Variants in MAGI1 observed in about 807,000 individuals in gnomAD.
The protein encoded by MAGI1 is membrane-associated guanylate kinase, WW and PDZ domain-containing protein 1.
Under a neutral mutation model 139.9 loss-of-function variants are expected in MAGI1, and 58 were observed. That is an observed-to-expected ratio of 0.41 (90% CI 0.34 to 0.52). The LOEUF is 0.52. Ranked by LOEUF, MAGI1 falls within the 20% of genes least tolerant of loss-of-function variation. The probability of loss-of-function intolerance (pLI) is 0.12; values close to 1 mark genes in which losing one functional copy is unlikely to be tolerated. For missense variants in MAGI1, 1,874 were observed against 1,901.6 expected (o/e 0.99, Z 0.27); for synonymous variants, 812 against 737.9 (o/e 1.10, Z -1.63).
chr3:65,802,918 G>C lies in MAGI1; in HGVS notation c.314-180830C>G, dbSNP rs1408551486. ...TTTTGTTGGCATCTAACTCATCTAT[G>C]GTGAAAAACACAAATTTCATCTCTA... is the stretch of plus-strand genomic sequence containing the variant. On this transcript the variant is annotated intron_variant, in intron 1 of 22. Transcript: ENST00000402939. Among the ~76,000 whole-genome samples, 4 of 146,482 alleles carry C rather than the reference G, an allele frequency of 2.7e-5. No homozygotes were observed. The South Asian group carries it at 6.7e-4, about 25-fold the overall frequency.
At chr3:65,989,562 G>A (rs1272434592) in intron 1 of MAGI1, among the ~76,000 whole-genome samples, 1 of 152,174 alleles carries the variant, frequency 6.6e-6, no homozygotes, top group Non-Finnish European at 1.5e-5. Flanking sequence ...TTTTGAGATG[G>A]AGTCTAGCTT....
At position 65,656,180 on chromosome 3, in the gene MAGI1, C is replaced by T. The variant is rs1212641641; in HGVS notation, c.314-34092G>A. 7.9e-5 allele frequency among the ~76,000 whole-genome samples: 12 copies of T among 152,090 alleles called. No homozygotes were observed. The East Asian group carries it at 2.3e-3, about 29-fold the overall frequency. On this transcript the variant is annotated intron_variant, in intron 1 of 22. Transcript: ENST00000402939. ...TAAATTTGAAAAAAAAAAATTCCCT[C>T]GATATCACCAAGGAAATTCTGGACC...
intron 2 of MAGI1, among the ~76,000 whole-genome samples, chr3:65,585,506 TA>T (rs1488347535): frequency 6.6e-6 from 1 of 152,226 alleles, no homozygotes; most frequent in Non-Finnish European, 1.5e-5. Flanking sequence ...AAAATGTTTT[TA>T]ATTTTAATAC....
intron 2 of MAGI1, among the ~76,000 whole-genome samples, chr3:65,535,294 T>C (rs1318676732): frequency 2.0e-5 from 3 of 152,222 alleles, no homozygotes; most frequent in Non-Finnish European, 4.4e-5. Flanking sequence ...CAAGAGATTA[T>C]TGTTAACTTT....
At chr3:65,943,676 T>C (rs531513681) in intron 1 of MAGI1, among the ~76,000 whole-genome samples, 21 of 152,224 alleles carry the variant, frequency 1.4e-4, no homozygotes, top group South Asian at 1.2e-3. Context: ...TGTGTGTATA[T>C]AGATTCTGGT....
intron 2 of MAGI1, among the ~76,000 whole-genome samples, chr3:65,588,884 T>C (rs550539054): frequency 6.6e-6 from 1 of 152,304 alleles, no homozygotes; most frequent in South Asian, 2.1e-4. Flanking sequence ...GGTTCCGTAA[T>C]TAAGAAATAA....
chr3:65,415,048 ACAT>A (rs1946102007), intron 12 of MAGI1, among the ~76,000 whole-genome samples: 1 of 151,278 alleles, frequency 6.6e-6, no homozygotes, highest in African/African-American at 2.4e-5. Flanking sequence ...AAGAAGAAGA[ACAT>A]CATTACCTAT....
In MAGI1 at chr3:65,422,107, C is replaced by T. The variant is rs1017961733; in HGVS notation, c.2167+7413G>A. Among the ~76,000 whole-genome samples the T allele has an allele frequency of 2.0e-5, 3 of 152,214 alleles. No individual in the cohort carries two copies. In the East Asian group the frequency reaches 5.8e-4, roughly 29 times the overall value. On this transcript the variant is annotated intron_variant, in intron 12 of 22. Coordinates refer to ENST00000402939, the MANE Select transcript of MAGI1 (RefSeq NM_001033057.2). ...TCTAGAACTGTGCTGCGTAACAGTA[C>T]TTCCTGCAATGGTGGAAATGTTCTC... is the stretch of plus-strand genomic sequence containing the variant.
intron 2 of MAGI1, among the ~76,000 whole-genome samples, chr3:65,511,180 G>A (rs1433188279): frequency 3.3e-5 from 5 of 150,588 alleles, no homozygotes; most frequent in South Asian, 2.1e-4. Flanking sequence ...GGAACAACCG[G>A]TACCAGCTGC....
intron 1 of MAGI1, among the ~76,000 whole-genome samples, chr3:65,940,855 C>G (rs116165379): frequency 2.0e-5 from 3 of 152,130 alleles, no homozygotes; most frequent in Non-Finnish European, 4.4e-5. Flanking sequence ...TCTCTCAACT[C>G]CTCACAAACC....
intron 4 of MAGI1, among the ~76,000 whole-genome samples, chr3:65,474,247 A>G (rs905541762): frequency 4.6e-5 from 7 of 151,596 alleles, no homozygotes; most frequent in African/African-American, 1.7e-4. Context: ...CCTGGGTCAC[A>G]GAACGAGACC....
At chr3:65,944,947 G>A (rs1186187325) in intron 1 of MAGI1, among the ~76,000 whole-genome samples, 1 of 152,138 alleles carries the variant, frequency 6.6e-6, no homozygotes, top group African/African-American at 2.4e-5. Context: ...ATTATATTGA[G>A]GATATCCATT....
At chr3:65,498,039 G>A (rs192817486) in intron 2 of MAGI1, among the ~76,000 whole-genome samples, 53 of 152,200 alleles carry the variant, frequency 3.5e-4, no homozygotes, top group Non-Finnish European at 1.6e-4. Context: ...TCTATTCACC[G>A]ATGTTGTGGA....
At chr3:65,495,560 G>A (rs1039394655) in intron 2 of MAGI1, among the ~76,000 whole-genome samples, 4 of 152,116 alleles carry the variant, frequency 2.6e-5, no homozygotes, top group Non-Finnish European at 4.4e-5. Context: ...ACAAGACAAA[G>A]CTCATGCCCT....
At chr3:65,893,525 A>T (rs1360200066) in intron 1 of MAGI1, among the ~76,000 whole-genome samples, 1 of 152,190 alleles carries the variant, frequency 6.6e-6, no homozygotes, top group Non-Finnish European at 1.5e-5. Context: ...GAGCGTATCA[A>T]GTATTAAATC....
At chr3:65,767,067 T>C (rs2037546402) in intron 1 of MAGI1, among the ~76,000 whole-genome samples, 1 of 152,130 alleles carries the variant, frequency 6.6e-6, no homozygotes, top group East Asian at 1.9e-4. Context: ...CTAGATTAGG[T>C]AGCAGGAATG....
intron 1 of MAGI1, among the ~76,000 whole-genome samples, chr3:65,693,071 T>TACC (rs1039724059): frequency 1.2e-4 from 18 of 152,060 alleles, no homozygotes; most frequent in Admixed American, 6.6e-5. Flanking sequence ...AGCTAGGACC[T>TACC]ACCATAGGCA....
chr3:65,472,058 T>A (rs775888153), intron 4 of MAGI1, among the ~76,000 whole-genome samples: 6 of 152,104 alleles, frequency 3.9e-5, no homozygotes, highest in Non-Finnish European at 8.8e-5. Context: ...ACCCCCAAAT[T>A]CACTTTCCTG....
chr3:65,811,959 T>A (rs62244038), intron 1 of MAGI1, among the ~76,000 whole-genome samples: 92,536 of 143,456 alleles, frequency 0.65, 28,801 homozygotes, highest in East Asian at 0.76. Context: ...TGTGTGTGTG[T>A]GAGAGAGAGA....
Sources: allele counts gnomAD v4.1 joint callset (sites outside exome capture counted in the v4.1 genomes callset), GRCh38; gene constraint gnomAD v4.1.1; transcripts MANE v1.5; gene names NCBI Gene and HGNC (gene_info 2026-07-23, HGNC 2026-07-21).